MAK: variants seen among roughly 807,000 people sequenced by gnomAD.
The protein encoded by MAK is serine/threonine-protein kinase MAK.
Under a neutral mutation model 82.6 loss-of-function variants are expected in MAK, and 65 were observed. The ratio of observed to expected loss-of-function variants is 0.79; its 90% CI spans 0.64 to 0.97. MAK has a LOEUF of 0.97. Ranked by LOEUF, MAK falls within the 50% of genes least tolerant of loss-of-function variation. MAK has a pLI of 0.00. For missense variants in MAK, 703 were observed against 780.2 expected (o/e 0.90, Z 1.18); for synonymous variants, 250 against 274.2 (o/e 0.91, Z 0.87).
intron 3 of MAK, among the ~76,000 whole-genome samples, chr6:10,818,363 C>T (rs1045229639): frequency 6.6e-6 from 1 of 152,192 alleles, no homozygotes; most frequent in African/African-American, 2.4e-5. Flanking sequence ...CCTGCTATCC[C>T]AGCACTTTGG....
chr6:10,828,475 GC>G (rs1342723443), intron 2 of MAK, among the ~76,000 whole-genome samples: 1 of 152,112 alleles, frequency 6.6e-6, no homozygotes, highest in Non-Finnish European at 1.5e-5. Context: ...TGAAGTCCTA[GC>G]CCCCAGACTT....
At chr6:10,765,440 ATTTTTT>A (rs200536068) in intron 14 of MAK, among the ~76,000 whole-genome samples, 66 of 130,594 alleles carry the variant, frequency 5.1e-4, no homozygotes, top group African/African-American at 2.1e-3. Context: ...TAGAATGAAG[ATTTTTT>A]TTTTTTTTTT....
At chr6:10,812,097 G>A (rs1445381044) in intron 5 of MAK, among the ~76,000 whole-genome samples, 1 of 152,152 alleles carries the variant, frequency 6.6e-6, no homozygotes, top group East Asian at 1.9e-4. Context: ...CTACTAGGGA[G>A]GCTGAGGTGG....
At chr6:10,810,511 T>C (rs999578644) in intron 5 of MAK, among the ~76,000 whole-genome samples, 1 of 152,024 alleles carries the variant, frequency 6.6e-6, no homozygotes, top group Non-Finnish European at 1.5e-5. Context: ...GGCTAATTGT[T>C]TGTATTTTTA....
chr6:10,803,832 C>T lies in MAK; in HGVS notation c.551G>A (p.Trp184Ter). The part of the protein sequence containing the change: ...SSVYSSPIDV[W>*]AVGSIMAELY... ...TTCAGCCATGATACTTCCAACAGCC[C>T]ACACATCAATGGGAGAACTATAAAC... Residue 184 changes from tryptophan to a stop codon, truncating the protein, a stop_gained, in exon 7 of 15, where the codon TGG becomes TAG. Transcript: ENST00000354489. LOFTEE classifies it high-confidence loss of function. The T allele has an allele frequency of 6.2e-7, 1 of 1,613,996 alleles. No homozygotes were observed. The highest frequency in any genetic ancestry group is 2.2e-5 in the East Asian group (1 of 44,860).
rs759984800 is a variant in MAK, at chr6:10,796,289, A to C, written c.852T>G (p.Phe284Leu). The change falls in exon 9 of 15, where the codon TTT (phenylalanine) becomes TTG (leucine). Residue 284 changes from phenylalanine (F) to leucine (L), a missense_variant. Coordinates refer to ENST00000354489, the MANE Select transcript of MAK (RefSeq NM_001242957.3). ...AAGGGCCTAATACCTGACCAACTTG[A>C]AAATATGGGTGTTTCAATGCCTATA... is the stretch of plus-strand genomic sequence containing the variant. ...TASQALKHPY[F>L]QVGQVLGPSS... The C allele has an allele frequency of 6.2e-7, 1 of 1,613,672 alleles. No homozygotes were observed. The highest frequency in any genetic ancestry group is 1.1e-5 in the South Asian group (1 of 91,078).
Position 10,796,097 on chromosome 6 carries a change from C to G in MAK, c.1044G>C (p.Gln348His), listed in dbSNP as rs746701788. ...KTSQQPLQPI[Q>H]PPQNLSVQQP... ...GCTGGACGCTCAGGTTCTGTGGCGG[C>G]TGAATGGGCTGCAGTGGCTGCTGGC... Residue 348 changes from glutamine to histidine, a missense_variant, in exon 9 of 15, where the codon CAG (glutamine) becomes CAC (histidine). Transcript: ENST00000354489. 1 of 1,614,132 alleles carries G rather than the reference C, an allele frequency of 6.2e-7. No homozygotes were observed. The highest frequency in any genetic ancestry group is 1.1e-5 in the South Asian group (1 of 91,074).
intron 1 of MAK, among the ~76,000 whole-genome samples, chr6:10,832,133 G>A (rs1380514456): frequency 6.6e-6 from 1 of 152,068 alleles, no homozygotes; most frequent in Non-Finnish European, 1.5e-5. Flanking sequence ...TTACAGGTGC[G>A]CACCACCACA....
At chr6:10,795,954 C>T (rs557581289) in intron 9 of MAK, 44 bp downstream of exon 9, 15 of 1,584,822 alleles carry the variant, frequency 9.5e-6, no homozygotes, top group East Asian at 2.2e-5. Context: ...CTTAATTGCA[C>T]GAGTCAAACT....
chr6:10,813,086 T>TTTTATA (rs1347378325), intron 5 of MAK, among the ~76,000 whole-genome samples: 4 of 34,900 alleles, frequency 1.1e-4, no homozygotes, highest in African/African-American at 4.1e-4. Context: ...TTATGTATTT[T>TTTTATA]TATATATATA....
chr6:10,830,779 A>T lies in MAK; in HGVS notation c.-131T>A. On this transcript the variant is annotated 5_prime_UTR_variant, in exon 2 of 15. The change abolishes an upstream ATG in the 5' untranslated region. Transcript: ENST00000354489. ...TTGCTACACTGGTGACAGGTTTGTC[A>T]TCATTAAATATAGTCTCTCCCCCAA... 1.4e-6 allele frequency: 1 copy of T among 730,490 alleles called. No homozygotes were observed. Among genetic ancestry groups the T allele is most frequent in the Non-Finnish European group, 2.5e-6 (1 of 404,688 alleles). The allele number at this position is 730,490 out of a possible 1,614,324, so 45.3% of individuals were successfully genotyped here. A position where few individuals can be genotyped will look rare whatever the true frequency, so the allele number is the denominator to read the frequency against.
At chr6:10,831,896 T>C (rs958365393) in intron 1 of MAK, among the ~76,000 whole-genome samples, 2 of 152,238 alleles carry the variant, frequency 1.3e-5, no homozygotes, top group African/African-American at 4.8e-5. Flanking sequence ...TGGAATCTAC[T>C]TCTGGTAGAG....
rs1172715828 is a variant in MAK at position 10,818,931 on chromosome 6, T to C, written c.111A>G (p.Arg37=). 6.4e-7 allele frequency: 1 copy of C among 1,572,184 alleles called. No homozygotes were observed. Among genetic ancestry groups the C allele is most frequent in the Admixed American group, 1.7e-5 (1 of 59,794 alleles). ...TGCATTCATCCCAAGAATAGAACTT[T>C]CTCTTCATCCTAAAATAAATTAGGG... ...GELVAIKRMK[R]KFYSWDECMN... Residue 37 remains arginine (R), a synonymous_variant, in exon 3 of 15, where the codon AGA becomes AGG. Transcript: ENST00000354489.
At chr6:10,796,614 C>T (rs568813459) in intron 8 of MAK, among the ~76,000 whole-genome samples, 148 of 152,006 alleles carry the variant, frequency 9.7e-4, no homozygotes, top group African/African-American at 3.2e-3. Flanking sequence ...AAGACCAGCC[C>T]GACCAACATG....
chr6:10,791,973 A>G, intron 9 of MAK, 126 bp from the exon 10 acceptor site: 1 of 942,834 alleles, frequency 1.1e-6, no homozygotes. Flanking sequence ...ATGTAAGGGC[A>G]TAACATATAT....
intron 10 of MAK, among the ~76,000 whole-genome samples, chr6:10,788,685 G>A (rs546632297): frequency 3.9e-5 from 6 of 152,120 alleles, no homozygotes; most frequent in South Asian, 2.1e-4. Flanking sequence ...GCAGTGAGCC[G>A]AGATCACATC....
chr6:10,832,890 A>G (rs1002801691), intron 1 of MAK, among the ~76,000 whole-genome samples: 1 of 152,242 alleles, frequency 6.6e-6, no homozygotes, highest in South Asian at 2.1e-4. Flanking sequence ...TAATGTAAAC[A>G]TAATTTGCAT....
At chr6:10,772,286 A>G (rs759020248) in intron 13 of MAK, among the ~76,000 whole-genome samples, 5 of 150,848 alleles carry the variant, frequency 3.3e-5, no homozygotes, top group African/African-American at 9.8e-5. Context: ...AACCAGTAAC[A>G]CTGAACCCCT....
intron 14 of MAK, 48 bp downstream of exon 14, chr6:10,770,063 T>G: frequency 6.2e-7 from 1 of 1,613,950 alleles, no homozygotes. Flanking sequence ...AAGGAAAATG[T>G]TCCTTTCTGC....
Sources: allele counts gnomAD v4.1 joint callset (sites outside exome capture counted in the v4.1 genomes callset), GRCh38; gene constraint gnomAD v4.1.1; transcripts MANE v1.5; gene names NCBI Gene and HGNC (gene_info 2026-07-23, HGNC 2026-07-21).